MAGI3: variants seen among roughly 807,000 people sequenced by gnomAD.
MAGI3 encodes membrane-associated guanylate kinase, WW and PDZ domain-containing protein 3.
Under a neutral mutation model 121.8 loss-of-function variants are expected in MAGI3, and 43 were observed. The observed-to-expected ratio is 0.35, with a 90% CI of 0.28 to 0.46. The LOEUF (loss-of-function observed/expected upper bound fraction) is 0.46, where lower values mean the gene tolerates loss of function less well. MAGI3 is among the 20% of genes least tolerant of loss of function. The pLI, the probability that MAGI3 is intolerant of heterozygous loss-of-function variation, is 1.00. For missense variants in MAGI3, 1,547 were observed against 1,797.3 expected, an observed-to-expected ratio of 0.86 and a Z score of 2.52; for synonymous variants, 553 against 639.3, an observed-to-expected ratio of 0.86 and a Z score of 2.04.
chr1:113,548,322 T>C (rs1659628073), intron 1 of MAGI3, among the ~76,000 whole-genome samples: 1 of 152,250 alleles, frequency 6.6e-6, no homozygotes, highest in South Asian at 2.1e-4. Flanking sequence ...TTACTATAAA[T>C]TCATTGCTAT....
intron 1 of MAGI3, among the ~76,000 whole-genome samples, chr1:113,539,518 T>C (rs1010761632): frequency 6.6e-6 from 1 of 152,038 alleles, no homozygotes; most frequent in East Asian, 1.9e-4. Flanking sequence ...GTTTTATGTG[T>C]GTCGCTTACA....
intron 1 of MAGI3, among the ~76,000 whole-genome samples, chr1:113,392,244 A>G (rs1570903855): frequency 6.6e-6 from 1 of 152,220 alleles, no homozygotes; most frequent in Non-Finnish European, 1.5e-5. Context: ...TTCAGCATAG[A>G]TAGAATGTGG....
chr1:113,633,479 T>C (rs1444733828), intron 9 of MAGI3, among the ~76,000 whole-genome samples: 6 of 151,830 alleles, frequency 4.0e-5, no homozygotes, highest in South Asian at 2.1e-4. Flanking sequence ...GCCGGGATGG[T>C]CTCGATCTCC....
intron 1 of MAGI3, among the ~76,000 whole-genome samples, chr1:113,479,058 G>A (rs565336669): frequency 1.2e-4 from 19 of 152,358 alleles, no homozygotes; most frequent in Non-Finnish European, 2.1e-4. Flanking sequence ...TGCCAAGCCA[G>A]GCATGGGAGA....
At chr1:113,668,668 C>T (rs997390800) in intron 16 of MAGI3, among the ~76,000 whole-genome samples, 3 of 149,476 alleles carry the variant, frequency 2.0e-5, no homozygotes, top group East Asian at 2.0e-4. Flanking sequence ...CTGCAAGCTC[C>T]GCTTCCCGGG....
chr1:113,645,947 T>C (rs1652807562), intron 11 of MAGI3, among the ~76,000 whole-genome samples: 1 of 152,248 alleles, frequency 6.6e-6, no homozygotes, highest in South Asian at 2.1e-4. Flanking sequence ...TGGTACATTT[T>C]CTCTTAATAT....
intron 1 of MAGI3, among the ~76,000 whole-genome samples, chr1:113,439,383 A>G (rs1332721359): frequency 6.6e-6 from 1 of 152,236 alleles, no homozygotes; most frequent in Non-Finnish European, 1.5e-5. Flanking sequence ...GCCTTTGCAC[A>G]TACTGTTTCC....
rs956064691 is a variant in MAGI3 at position 113,556,731 on chromosome 1, T to C, written c.433+7100T>C. Among the ~76,000 whole-genome samples the C allele has an allele frequency of 3.6e-4, 54 of 151,782 alleles. 1 individual carries two copies. The East Asian group carries it at 5.8e-3, about 16-fold the overall frequency. Reference sequence around the variant, plus strand: ...ATGTGTGCCACCATGCCCAGCTAATTTTTTTTTAATTCTTATTAGAGACGA... The same window carrying C: ...ATGTGTGCCACCATGCCCAGCTAATCTTTTTTTAATTCTTATTAGAGACGA... On this transcript the variant is annotated intron_variant, in intron 2 of 20. Transcript: ENST00000307546.
intron 1 of MAGI3, among the ~76,000 whole-genome samples, chr1:113,449,172 T>C (rs1654337267): frequency 6.6e-6 from 1 of 151,498 alleles, no homozygotes; most frequent in Admixed American, 6.6e-5. Flanking sequence ...TGTGATATGC[T>C]GGATAGTAAA....
chr1:113,549,489 G>GT (rs763944707), intron 1 of MAGI3, 26 bp from the exon 2 acceptor site: 130,783 of 948,198 alleles, frequency 0.14, 52 homozygotes, highest in East Asian at 0.18. Flanking sequence ...TTTATTTTCT[G>GT]TTTTTTTTTT....
At chr1:113,671,941 C>T in intron 17 of MAGI3, 105 bp downstream of exon 17, 1 of 1,007,532 alleles carries the variant, frequency 9.9e-7, no homozygotes. Context: ...TGCAGTAATG[C>T]AGATGCCAGC....
intron 2 of MAGI3, among the ~76,000 whole-genome samples, chr1:113,560,987 C>G (rs1660211900): frequency 6.6e-6 from 1 of 152,144 alleles, no homozygotes; most frequent in South Asian, 2.1e-4. Context: ...CTATAAACAC[C>G]TCTTTGCAAA....
chr1:113,585,352 A>G (rs906431032), intron 3 of MAGI3, 35 bp from the exon 4 acceptor site: 24 of 1,590,700 alleles, frequency 1.5e-5, no homozygotes, highest in Non-Finnish European at 2.1e-5. Flanking sequence ...TCACTGCAAC[A>G]TTAGTAATTT....
intron 9 of MAGI3, among the ~76,000 whole-genome samples, chr1:113,623,453 TACACACACACACACACACAC>T: frequency 7.9e-6 from 1 of 126,116 alleles, no homozygotes; most frequent in Non-Finnish European, 1.6e-5. Flanking sequence ...TACACACACA[TACACACACACACACACACAC>T]ACACACACAC....
intron 1 of MAGI3, among the ~76,000 whole-genome samples, chr1:113,531,883 CTG>C (rs1346380622): frequency 1.3e-5 from 2 of 152,158 alleles, no homozygotes; most frequent in Non-Finnish European, 2.9e-5. Context: ...GCCTAGGAAA[CTG>C]TTGAAGTAGA....
chr1:113,641,647 GT>G (rs569496541), intron 9 of MAGI3, among the ~76,000 whole-genome samples: 67 of 146,068 alleles, frequency 4.6e-4, no homozygotes, highest in African/African-American at 1.0e-3. Flanking sequence ...AATTATCAGG[GT>G]TTTTTTTTTA....
intron 6 of MAGI3, among the ~76,000 whole-genome samples, chr1:113,599,246 A>G (rs571356597): frequency 2.0e-5 from 3 of 152,156 alleles, no homozygotes; most frequent in Non-Finnish European, 4.4e-5. Context: ...AAATAGAGAC[A>G]CAAAAAACCC....
At position 113,684,747 on chromosome 1, in the gene MAGI3, C is replaced by T. The variant is rs1341533045; in HGVS notation, c.*733C>T. 6.6e-6 allele frequency: 1 copy of T among 152,344 alleles called. No individual in the cohort carries two copies. The highest frequency in any genetic ancestry group is 2.4e-5 in the African/African-American group (1 of 41,436). The allele number at this position is 152,344 out of a possible 1,614,324, so 9.4% of individuals were successfully genotyped here. On this transcript the variant is annotated 3_prime_UTR_variant, in exon 21 of 21. Transcript: ENST00000307546. Reference sequence around the variant, plus strand: ...AAGTACTTTAAGCAATAGAGTTCATCTCCTGCTGTGTTATCCAACCTCGAT... The same window carrying T: ...AAGTACTTTAAGCAATAGAGTTCATTTCCTGCTGTGTTATCCAACCTCGAT...
At chr1:113,492,518 C>T (rs1461406039) in intron 1 of MAGI3, among the ~76,000 whole-genome samples, 2 of 152,112 alleles carry the variant, frequency 1.3e-5, no homozygotes, top group African/African-American at 4.8e-5. Context: ...GAATACCACT[C>T]GTTTTCAACA....
Sources: allele counts gnomAD v4.1 joint callset (sites outside exome capture counted in the v4.1 genomes callset), GRCh38; gene constraint gnomAD v4.1.1; transcripts MANE v1.5; gene names NCBI Gene and HGNC (gene_info 2026-07-23, HGNC 2026-07-21).